The following NDST3 variants were observed in gnomAD, a reference collection of about 807,000 sequenced individuals.
NDST3 encodes N-deacetylase and N-sulfotransferase 3, also known as bifunctional heparan sulfate N-deacetylase/N-sulfotransferase 3.
NDST3 carries 58 observed loss-of-function variants against 96.1 expected under a neutral mutation model. The observed-to-expected ratio is 0.60, with a 90% CI of 0.49 to 0.75. NDST3 has a LOEUF of 0.75. NDST3 is among the 30% of genes least tolerant of loss of function. The pLI is 0.00. For synonymous variants in NDST3, 333 were observed against 359.7 expected (o/e 0.93, Z 0.84); for missense variants, 788 against 1,034.2 (o/e 0.76, Z 3.27).
chr4:118,140,136 C>T (rs915422305), intron 5 of NDST3, among the ~76,000 whole-genome samples: 2 of 152,172 alleles, frequency 1.3e-5, no homozygotes, highest in Non-Finnish European at 2.9e-5. Context: ...CTCACTCCAA[C>T]CAAACCCCAT....
At chr4:118,240,411 C>T (rs1740931158) in intron 10 of NDST3, 113 bp from the exon 11 acceptor site, 1 of 826,814 alleles carries the variant, frequency 1.2e-6, no homozygotes, top group African/African-American at 1.7e-5. Flanking sequence ...ATAGATAACT[C>T]TCCAGCAGTG....
chr4:118,076,380 C>G (rs919030457), intron 2 of NDST3, among the ~76,000 whole-genome samples: 1 of 152,136 alleles, frequency 6.6e-6, no homozygotes, highest in African/African-American at 2.4e-5. Flanking sequence ...GGATGATATC[C>G]TCAAATATGA....
chr4:118,065,235 G>A (rs1206069041), intron 2 of NDST3, among the ~76,000 whole-genome samples: 1 of 151,978 alleles, frequency 6.6e-6, no homozygotes, highest in Admixed American at 6.6e-5. Flanking sequence ...CTCAACTCCC[G>A]CAAGAAACTC....
At chr4:118,147,815 T>C (rs1306891413) in intron 6 of NDST3, among the ~76,000 whole-genome samples, 3 of 152,220 alleles carry the variant, frequency 2.0e-5, no homozygotes, top group African/African-American at 4.8e-5. Flanking sequence ...ACTTTTTTGC[T>C]TCAGGGTTCT....
Position 118,115,027 on chromosome 4 carries a change from T to C in NDST3, c.1224+67T>C, listed in dbSNP as rs922319837. ...TTGGAGAAATGAAAAGATTCTTACA[T>C]TGTGGCATAGTTGCGCTTTTCAGTG... On this transcript the variant is annotated intron_variant, in intron 4 of 13. Coordinates refer to ENST00000296499, the MANE Select transcript of NDST3 (RefSeq NM_004784.3). 4 of 1,533,376 alleles carry C rather than the reference T, an allele frequency of 2.6e-6. No individual in the cohort carries two copies. In the South Asian group the frequency reaches 3.5e-5, roughly 14 times the overall value. The allele number at this position is 1,533,376 out of a possible 1,614,324, so 95.0% of individuals were successfully genotyped here. A position where few individuals can be genotyped will look rare whatever the true frequency, so the allele number is the denominator to read the frequency against.
intron 9 of NDST3, among the ~76,000 whole-genome samples, chr4:118,234,439 G>A (rs188976990): frequency 6.6e-6 from 1 of 151,848 alleles, no homozygotes; most frequent in Non-Finnish European, 1.5e-5. Flanking sequence ...AGAAACCATC[G>A]ACTACTTCAG....
chr4:118,164,832 T>C (rs1735437675), intron 6 of NDST3, among the ~76,000 whole-genome samples: 1 of 152,182 alleles, frequency 6.6e-6, no homozygotes, highest in South Asian at 2.1e-4. Context: ...CAATTGAAGT[T>C]AAAGTTGTTA....
intron 2 of NDST3, among the ~76,000 whole-genome samples, chr4:118,070,508 T>C (rs1249906456): frequency 1.4e-4 from 22 of 152,098 alleles, no homozygotes; most frequent in Admixed American, 9.8e-4. Flanking sequence ...TAGGTATTCA[T>C]ATGATTACTC....
At chr4:118,175,120 C>G (rs1303132564) in intron 6 of NDST3, among the ~76,000 whole-genome samples, 1 of 152,112 alleles carries the variant, frequency 6.6e-6, no homozygotes, top group African/African-American at 2.4e-5. Context: ...CTCATCAATT[C>G]AATGCTCCAG....
intron 10 of NDST3, among the ~76,000 whole-genome samples, chr4:118,238,058 G>A (rs1172938304): frequency 6.6e-6 from 1 of 151,608 alleles, no homozygotes; most frequent in African/African-American, 2.4e-5. Context: ...GAGCCTGGGA[G>A]GTTGGGGCTG....
intron 12 of NDST3, 65 bp downstream of exon 12, chr4:118,242,214 G>A: frequency 8.8e-7 from 1 of 1,139,186 alleles, no homozygotes; most frequent in Non-Finnish European, 1.3e-6. Context: ...AGAAATTGCA[G>A]TTTGGTCATA....
chr4:118,036,265 T>C (rs1724144428), intron 1 of NDST3, among the ~76,000 whole-genome samples: 1 of 152,180 alleles, frequency 6.6e-6, no homozygotes, highest in African/African-American at 2.4e-5. Context: ...CAGCTGCTTT[T>C]TGGTGATTAG....
intron 6 of NDST3, among the ~76,000 whole-genome samples, chr4:118,210,118 G>C (rs1299066454): frequency 2.0e-5 from 3 of 152,082 alleles, no homozygotes; most frequent in African/African-American, 7.2e-5. Context: ...GGATTTGTGG[G>C]GAGGATTTTT....
chr4:118,035,345 A>G (rs892168232), intron 1 of NDST3, among the ~76,000 whole-genome samples: 7 of 152,106 alleles, frequency 4.6e-5, no homozygotes, highest in African/African-American at 1.7e-4. Flanking sequence ...TAGACAATGC[A>G]AACAGCTACA....
chr4:118,107,690 A>G (rs1042161509), intron 3 of NDST3, among the ~76,000 whole-genome samples: 5 of 152,220 alleles, frequency 3.3e-5, no homozygotes, highest in African/African-American at 1.2e-4. Flanking sequence ...TAGAAAACTC[A>G]GTTACCAAGT....
At chr4:118,144,757 A>G (rs79948652) in intron 6 of NDST3, among the ~76,000 whole-genome samples, 1 of 146,492 alleles carries the variant, frequency 6.8e-6, no homozygotes, top group Non-Finnish European at 1.5e-5. Flanking sequence ...AAAAAAAAAA[A>G]TTATCAGTGA....
At chr4:118,142,741 G>A (rs1663776700) in intron 5 of NDST3, among the ~76,000 whole-genome samples, 3 of 152,088 alleles carry the variant, frequency 2.0e-5, no homozygotes, top group Admixed American at 2.0e-4. Flanking sequence ...AAAATATTCT[G>A]CTTAAGGCTT....
chr4:118,095,228 A>G (rs1358978349), intron 2 of NDST3, among the ~76,000 whole-genome samples: 1 of 151,846 alleles, frequency 6.6e-6, no homozygotes, highest in Non-Finnish European at 1.5e-5. Flanking sequence ...TAAAACCTTG[A>G]GGTGTGAACA....
rs934519385 is a variant in NDST3 at position 118,148,922 on chromosome 4, G to A, written c.1539+5238G>A. 3.9e-5 allele frequency among the ~76,000 whole-genome samples: 6 copies of A among 152,150 alleles called. No homozygotes were observed. The East Asian group carries it at 9.7e-4, about 25-fold the overall frequency. ...TTAAGTCTTTAATCCATCTTGAATT[G>A]ATTTTTGTATAAGGTGTAAGGAAGG... On this transcript the variant is annotated intron_variant, in intron 6 of 13. Coordinates refer to ENST00000296499, the MANE Select transcript of NDST3 (RefSeq NM_004784.3).
Sources: allele counts gnomAD v4.1 joint callset (sites outside exome capture counted in the v4.1 genomes callset), GRCh38; gene constraint gnomAD v4.1.1; transcripts MANE v1.5; gene names NCBI Gene and HGNC (gene_info 2026-07-23, HGNC 2026-07-21).